Variants in MRC1 observed in about 807,000 individuals in gnomAD.
MRC1 encodes mannose receptor C-type 1.
A neutral mutation model predicts 102.9 loss-of-function variants in MRC1; 62 were observed. That is an observed-to-expected ratio of 0.60 (90% CI 0.49 to 0.74). MRC1 has a LOEUF of 0.74. Ranked by LOEUF, MRC1 falls within the 30% of genes least tolerant of loss-of-function variation. MRC1 has a pLI of 0.00. For synonymous variants in MRC1, 457 were observed against 298.4 expected (o/e 1.53, Z -5.48); for missense variants, 1,237 against 862.8 (o/e 1.43, Z -5.43).
At chr10:17,837,509 A>G (rs1281778159) in intron 4 of MRC1, among the ~76,000 whole-genome samples, 1 of 152,204 alleles carries the variant, frequency 6.6e-6, no homozygotes, top group African/African-American at 2.4e-5. Flanking sequence ...ATTTTGGAAA[A>G]TATGCCATTA....
intron 2 of MRC1, among the ~76,000 whole-genome samples, chr10:17,825,892 C>A (rs1040491912): frequency 6.6e-6 from 1 of 152,126 alleles, no homozygotes; most frequent in East Asian, 1.9e-4. Context: ...AAGAATGGCG[C>A]AATTATTTCT....
chr10:17,830,907 GA>G (rs1838560499), intron 3 of MRC1, among the ~76,000 whole-genome samples: 2 of 148,794 alleles, frequency 1.3e-5, no homozygotes, highest in African/African-American at 2.5e-5. Flanking sequence ...TATATTTTTG[GA>G]GACAGAGTCT....
intron 4 of MRC1, among the ~76,000 whole-genome samples, chr10:17,838,236 A>G (rs1231082513): frequency 6.6e-6 from 1 of 152,090 alleles, no homozygotes; most frequent in Non-Finnish European, 1.5e-5. Context: ...TTTTGTCAAC[A>G]TTTCCTGGCT....
At chr10:17,815,180 C>T (rs1381437250) in intron 1 of MRC1, among the ~76,000 whole-genome samples, 2 of 152,076 alleles carry the variant, frequency 1.3e-5, no homozygotes, top group East Asian at 1.9e-4. Flanking sequence ...TGCTATTTCC[C>T]CCTTTATTTT....
intron 12 of MRC1, among the ~76,000 whole-genome samples, chr10:17,869,977 C>T (rs1456719923): frequency 6.6e-6 from 1 of 152,084 alleles, no homozygotes; most frequent in African/African-American, 2.4e-5. Context: ...AACCCATATG[C>T]CTAAAGCTCC....
At chr10:17,813,270 C>T (rs1838252779) in intron 1 of MRC1, among the ~76,000 whole-genome samples, 2 of 152,164 alleles carry the variant, frequency 1.3e-5, no homozygotes, top group South Asian at 4.2e-4. Flanking sequence ...TTGCCATTTG[C>T]GGGTCTCACA....
chr10:17,880,786 A>G, intron 20 of MRC1, 116 bp downstream of exon 20: 1 of 759,732 alleles, frequency 1.3e-6, no homozygotes. Context: ...TTTGGCAAGA[A>G]TAGGTGAAAA....
chr10:17,880,605 G>T lies in MRC1; in HGVS notation c.2800G>T (p.Val934Phe), dbSNP rs1382749442. The T allele has an allele frequency of 2.7e-5, 21 of 780,724 alleles. No individual in the cohort carries two copies. In the African/African-American group the frequency reaches 3.4e-4, roughly 13 times the overall value. 48.4% of individuals were successfully genotyped at this position (780,724 alleles called of 1,614,324 possible). The change falls in exon 20 of 30, where the codon GTT becomes TTT. Residue 934 changes from valine to phenylalanine, a missense_variant. Coordinates refer to ENST00000569591, the MANE Select transcript of MRC1 (RefSeq NM_002438.4). Reference sequence around the variant, plus strand: ...TAACAGTAGTATCAATGCTACCACAGTTATGCCTACCATGCCCTCGGTCCC... The same window carrying T: ...TAACAGTAGTATCAATGCTACCACATTTATGCCTACCATGCCCTCGGTCCC... ...RHNSSINATTVMPTMPSVPSG... is the reference protein window; with the variant it reads ...RHNSSINATTFMPTMPSVPSG...
Position 17,840,742 on chromosome 10 carries a change from G to C in MRC1, c.852G>C (p.Leu284=), listed in dbSNP as rs1838737365. The C allele has an allele frequency of 1.3e-6, 1 of 780,752 alleles. No individual in the cohort carries two copies. The highest frequency in any genetic ancestry group is 1.3e-5 in the South Asian group (1 of 74,622). 48.4% of individuals were successfully genotyped at this position (780,752 alleles called of 1,614,324 possible). ...TSGLWIGLNS[L]SFNSGWQWSD... is the part of the protein sequence containing the mutation. Reference sequence around the variant, plus strand: ...GACTCTGGATTGGACTTAACAGTCTGAGCTTCAACAGCGGTTGGCAGTGGA... The same window carrying C: ...GACTCTGGATTGGACTTAACAGTCTCAGCTTCAACAGCGGTTGGCAGTGGA... The change falls in exon 5 of 30, where the codon CTG becomes CTC. Residue 284 remains leucine (L), a synonymous_variant. Transcript: ENST00000569591.
At chr10:17,874,420 G>A (rs1161144652) in intron 16 of MRC1, among the ~76,000 whole-genome samples, 1 of 152,034 alleles carries the variant, frequency 6.6e-6, no homozygotes, top group Non-Finnish European at 1.5e-5. Flanking sequence ...AAGGATACTT[G>A]TTACTACATT....
intron 16 of MRC1, among the ~76,000 whole-genome samples, chr10:17,874,309 C>T (rs1833396003): frequency 1.3e-5 from 2 of 152,284 alleles, no homozygotes; most frequent in East Asian, 3.9e-4. Context: ...CTCATCAGCT[C>T]ATGACCCATT....
intron 9 of MRC1, among the ~76,000 whole-genome samples, chr10:17,858,228 A>T (rs201561457): frequency 0.18 from 27,449 of 152,008 alleles, 2,668 homozygotes; most frequent in East Asian, 0.23. Flanking sequence ...GTTTTCTGAC[A>T]GCGGTTTATA....
At chr10:17,829,018 C>T (rs1425358211) in intron 3 of MRC1, among the ~76,000 whole-genome samples, 1 of 151,410 alleles carries the variant, frequency 6.6e-6, no homozygotes, top group African/African-American at 2.5e-5. Flanking sequence ...CTTCTTACCC[C>T]CGACCTCTCA....
chr10:17,866,695 G>A lies in MRC1; in HGVS notation c.1917G>A (p.Thr639=), dbSNP rs1025247475. 6.4e-6 allele frequency: 5 copies of A among 780,704 alleles called. No homozygotes were observed. The highest frequency in any genetic ancestry group is 1.2e-5 in the Non-Finnish European group (5 of 417,958). 48.4% of individuals were successfully genotyped at this position (780,704 alleles called of 1,614,324 possible). ...GAGTAACCCACCCACCGAAGCCCAC[G>A]ACGACTCCCGAACCCAAATGTCCGG... The part of the protein sequence containing the change: ...AEGVTHPPKP[T]TTPEPKCPED... Residue 639 remains threonine (T), a synonymous_variant, in exon 12 of 30, where the codon ACG becomes ACA. Coordinates refer to ENST00000569591, the MANE Select transcript of MRC1 (RefSeq NM_002438.4).
chr10:17,883,258 G>T (rs1016845012), intron 21 of MRC1, among the ~76,000 whole-genome samples: 1 of 152,086 alleles, frequency 6.6e-6, no homozygotes, highest in Non-Finnish European at 1.5e-5. Context: ...CTCCCAAGTA[G>T]CTGGGACTAC....
chr10:17,889,285 T>A (rs1390112170), intron 22 of MRC1, among the ~76,000 whole-genome samples: 5 of 152,204 alleles, frequency 3.3e-5, no homozygotes, highest in Admixed American at 6.5e-5. Flanking sequence ...TTTGCTATTG[T>A]TTTCTGTTTT....
At chr10:17,881,669 G>GTTTTT (rs1833519239) in intron 21 of MRC1, among the ~76,000 whole-genome samples, 1 of 83,038 alleles carries the variant, frequency 1.2e-5, no homozygotes, top group Non-Finnish European at 2.3e-5. Flanking sequence ...AACAAATTTT[G>GTTTTT]ATTTTTTTTT....
chr10:17,833,921 T>G lies in MRC1; in HGVS notation c.802+82T>G. On this transcript the variant is annotated intron_variant, in intron 4 of 29. Coordinates refer to ENST00000569591, the MANE Select transcript of MRC1 (RefSeq NM_002438.4). ...AACTTAGAAGTCAACAGCACAAGTG[T>G]TTATAGATGTTATGACAGAAGCAAT... 5.4e-6 allele frequency: 4 copies of G among 741,274 alleles called. No individual in the cohort carries two copies. In the South Asian group the frequency reaches 5.9e-5, roughly 11 times the overall value. 45.9% of individuals were successfully genotyped at this position (741,274 alleles called of 1,614,324 possible). A position where few individuals can be genotyped will look rare whatever the true frequency, so the allele number is the denominator to read the frequency against.
chr10:17,820,556 G>A (rs548555763), intron 1 of MRC1, among the ~76,000 whole-genome samples: 1 of 152,276 alleles, frequency 6.6e-6, no homozygotes, highest in African/African-American at 2.4e-5. Context: ...AATTTGACCA[G>A]TTAATAAGAC....
Sources: allele counts gnomAD v4.1 joint callset (sites outside exome capture counted in the v4.1 genomes callset), GRCh38; gene constraint gnomAD v4.1.1; transcripts MANE v1.5; gene names NCBI Gene and HGNC (gene_info 2026-07-23, HGNC 2026-07-21).